DPP6: variants seen among roughly 807,000 people sequenced by gnomAD.
DPP6 encodes the protein dipeptidyl peptidase like 6.
Under a neutral mutation model 122.6 loss-of-function variants are expected in DPP6, and 69 were observed. The ratio of observed to expected loss-of-function variants is 0.56; its 90% CI spans 0.46 to 0.69. DPP6 has a LOEUF of 0.69. Among genes scored for constraint, DPP6 ranks in the 30% least tolerant of loss-of-function variants. The pLI is 0.00. For synonymous variants in DPP6, 418 were observed against 433.1 expected, an observed-to-expected ratio of 0.97 and a Z score of 0.43; for missense variants, 928 against 1,116.9, an observed-to-expected ratio of 0.83 and a Z score of 2.41.
intron 1 of DPP6, among the ~76,000 whole-genome samples, chr7:154,441,618 C>A (rs192490648): frequency 6.6e-6 from 1 of 152,116 alleles, no homozygotes; most frequent in Non-Finnish European, 1.5e-5. Context: ...CAAGATGAGA[C>A]GTGTCAGATT....
intron 1 of DPP6, among the ~76,000 whole-genome samples, chr7:153,903,498 G>A (rs1799724423): frequency 6.6e-6 from 1 of 152,220 alleles, no homozygotes. Context: ...GGGTCACCTA[G>A]GTAGTAGGTA....
chr7:154,383,323 C>T (rs973531872), intron 1 of DPP6, among the ~76,000 whole-genome samples: 4 of 152,210 alleles, frequency 2.6e-5, no homozygotes, highest in Non-Finnish European at 5.9e-5. Flanking sequence ...TCATAAAATA[C>T]AATTTCCTGT....
At position 154,516,888 on chromosome 7, in the gene DPP6, G is replaced by A. The variant is rs374684345; in HGVS notation, c.458-23644G>A. ...TGTGTGTGTTTTGCCTTGGCAACAC[G>A]GACCAAGGCACCAGAATAGCACACA... On this transcript the variant is annotated intron_variant, in intron 3 of 25. Transcript: ENST00000377770. Among the ~76,000 whole-genome samples, 11 of 152,264 alleles carry A rather than the reference G, an allele frequency of 7.2e-5. No individual in the cohort carries two copies. The South Asian group carries it at 2.3e-3, about 32-fold the overall frequency.
chr7:154,103,903 C>T (rs1257747083), intron 1 of DPP6, among the ~76,000 whole-genome samples: 1 of 152,190 alleles, frequency 6.6e-6, no homozygotes, highest in Non-Finnish European at 1.5e-5. Context: ...CTGAAGGCTG[C>T]ATTGTCGGCT....
intron 1 of DPP6, among the ~76,000 whole-genome samples, chr7:154,212,876 G>T (rs1799813929): frequency 6.6e-6 from 1 of 152,162 alleles, no homozygotes; most frequent in Non-Finnish European, 1.5e-5. Context: ...CTCAGAGCAG[G>T]CAGGAGGACC....
intron 1 of DPP6, among the ~76,000 whole-genome samples, chr7:154,005,848 C>T (rs994261757): frequency 6.6e-6 from 1 of 152,078 alleles, no homozygotes; most frequent in African/African-American, 2.4e-5. Context: ...AGCTTTGCAT[C>T]CCAGAGTGTT....
At chr7:154,090,767 G>C (rs1365955664) in intron 1 of DPP6, among the ~76,000 whole-genome samples, 2 of 149,782 alleles carry the variant, frequency 1.3e-5, no homozygotes, top group African/African-American at 4.9e-5. Context: ...TTAAATTACT[G>C]TCCTTAAGCT....
intron 4 of DPP6, among the ~76,000 whole-genome samples, chr7:154,563,538 G>A (rs1830559843): frequency 1.3e-5 from 2 of 152,180 alleles, no homozygotes; most frequent in South Asian, 4.1e-4. Context: ...GGGTAATGGT[G>A]GTGGGAAAGA....
upstream of DPP6, among the ~76,000 whole-genome samples, chr7:154,051,747 G>T (rs1221963299): frequency 6.6e-6 from 1 of 150,632 alleles, no homozygotes; most frequent in Non-Finnish European, 1.5e-5. Context: ...CGCGAGGGGC[G>T]CCTGGGCCTC....
intron 1 of DPP6, among the ~76,000 whole-genome samples, chr7:153,912,372 G>C (rs917481702): frequency 4.6e-5 from 7 of 152,168 alleles, no homozygotes; most frequent in Non-Finnish European, 7.4e-5. Context: ...CCCAGGGAGC[G>C]AGAGCTTCAT....
chr7:153,865,943 G>A, the DPP6 span, among the ~76,000 whole-genome samples: 1 of 151,842 alleles, frequency 6.6e-6, no homozygotes, highest in African/African-American at 2.4e-5. Flanking sequence ...GAGAATGATG[G>A]TTTCCAGCTT....
chr7:153,827,255 G>C, the DPP6 span, among the ~76,000 whole-genome samples: 1 of 152,178 alleles, frequency 6.6e-6, no homozygotes, highest in Admixed American at 6.5e-5. Flanking sequence ...ATATATAACA[G>C]TGTATAAAAA....
rs113834926 is a variant in DPP6 at position 154,726,378 on chromosome 7, C to G, written c.763-1389C>G. Among the ~76,000 whole-genome samples the G allele has an allele frequency of 6.5e-3, 994 of 152,332 alleles. 8 individuals are homozygous for G. The highest frequency in any genetic ancestry group is 0.022 in the African/African-American group (915 of 41,580). ...GAAATTTAGGTGGATACTCCCAAGCCTCAACTCTCACACTCTGCACACCCA... is the reference window on the plus strand; with the variant it reads ...GAAATTTAGGTGGATACTCCCAAGCGTCAACTCTCACACTCTGCACACCCA... On this transcript the variant is annotated intron_variant, in intron 7 of 25. Coordinates refer to ENST00000377770, the MANE Select transcript of DPP6 (RefSeq NM_130797.4).
intron 1 of DPP6, among the ~76,000 whole-genome samples, chr7:154,269,198 G>A (rs1259131771): frequency 6.6e-6 from 1 of 151,874 alleles, no homozygotes; most frequent in Non-Finnish European, 1.5e-5. Flanking sequence ...TCTATAAATG[G>A]GGAAACCGAA....
At chr7:154,314,206 C>G (rs1351196227) in intron 1 of DPP6, among the ~76,000 whole-genome samples, 1 of 152,132 alleles carries the variant, frequency 6.6e-6, no homozygotes, top group Admixed American at 6.5e-5. Context: ...TTGGACAGTT[C>G]TGGACTGATT....
intron 1 of DPP6, among the ~76,000 whole-genome samples, chr7:154,364,002 G>T (rs919549103): frequency 6.6e-6 from 1 of 152,154 alleles, no homozygotes; most frequent in African/African-American, 2.4e-5. Context: ...AGGGCGGTGG[G>T]GAGTGTGTTG....
chr7:154,544,948 G>T (rs1047047263), intron 4 of DPP6, among the ~76,000 whole-genome samples: 1 of 152,200 alleles, frequency 6.6e-6, no homozygotes, highest in African/African-American at 2.4e-5. Flanking sequence ...GGCAGCAGTA[G>T]CAGACAGTGG....
chr7:154,558,438 G>A (rs900174924), intron 4 of DPP6, among the ~76,000 whole-genome samples: 3 of 152,196 alleles, frequency 2.0e-5, no homozygotes, highest in African/African-American at 7.2e-5. Context: ...CCCCAGGAAA[G>A]TAGTTTCTTA....
At chr7:154,817,152 G>T (rs1417849264) in intron 16 of DPP6, among the ~76,000 whole-genome samples, 1 of 152,140 alleles carries the variant, frequency 6.6e-6, no homozygotes, top group African/African-American at 2.4e-5. Context: ...GTATACTAAG[G>T]TGCTTGTTAT....
Sources: allele counts gnomAD v4.1 joint callset (sites outside exome capture counted in the v4.1 genomes callset), GRCh38; gene constraint gnomAD v4.1.1; transcripts MANE v1.5; gene names NCBI Gene and HGNC (gene_info 2026-07-23, HGNC 2026-07-21).